Variants in PCDHGA2 observed in about 807,000 individuals in gnomAD.
PCDHGA2 encodes the protein protocadherin gamma subfamily A, 2.
PCDHGA2 carries 40 observed loss-of-function variants against 59.2 expected under a neutral mutation model. The observed-to-expected ratio is 0.68, with a 90% CI of 0.52 to 0.88. The LOEUF (loss-of-function observed/expected upper bound fraction) is 0.88. Ranked by LOEUF, PCDHGA2 falls within the 40% of genes least tolerant of loss-of-function variation. The probability of loss-of-function intolerance (pLI) is 0.00; values close to 1 mark genes in which losing one functional copy is unlikely to be tolerated. For missense variants in PCDHGA2, 1,226 were observed against 1,204.0 expected, an observed-to-expected ratio of 1.02 and a Z score of -0.27; for synonymous variants, 560 against 526.0, an observed-to-expected ratio of 1.06 and a Z score of -0.89.
intron 1 of PCDHGA2, chr5:141,372,877 A>G: frequency 1.6e-6 from 2 of 1,270,298 alleles, no homozygotes; most frequent in Non-Finnish European, 2.1e-6. Flanking sequence ...TAGAGATAAA[A>G]AGAATACAGA....
chr5:141,339,814 A>G lies in PCDHGA2; in HGVS notation c.843A>G (p.Leu281=). The change falls in exon 1 of 4, where the codon CTA becomes CTG. Residue 281 remains leucine, a synonymous_variant. Coordinates refer to ENST00000394576, the MANE Select transcript of PCDHGA2 (RefSeq NM_018915.4). ...ACTACGCTCAAGTGGTATATTTTCT[A>G]GAGAAAAGCCCTGGAGAAACCTCAG... ...EGYYAQVVYF[L]EKSPGETSEV... is the part of the protein sequence containing the mutation. The G allele has an allele frequency of 1.9e-6, 3 of 1,614,218 alleles. No homozygotes were observed. Among genetic ancestry groups the G allele is most frequent in the Middle Eastern group, 1.6e-4 (1 of 6,062 alleles).
chr5:141,410,847 G>GTAT, intron 1 of PCDHGA2: 2 of 158,246 alleles, frequency 1.3e-5, no homozygotes, highest in Non-Finnish European at 1.0e-5. Context: ...TTTTGTCTTT[G>GTAT]TCTTTTTTTT....
intron 2 of PCDHGA2, among the ~76,000 whole-genome samples, chr5:141,502,107 C>T (rs1292131951): frequency 6.6e-6 from 1 of 152,192 alleles, no homozygotes; most frequent in East Asian, 1.9e-4. Context: ...TGACCCTGCA[C>T]CCTCAGCCAG....
intron 1 of PCDHGA2, chr5:141,409,547 G>A (rs760802690): frequency 1.2e-6 from 2 of 1,613,936 alleles, no homozygotes; most frequent in Non-Finnish European, 1.7e-6. Flanking sequence ...CAACGACAAC[G>A]CCCCAGTTTT....
chr5:141,511,147 A>T lies in PCDHGA2; in HGVS notation c.2773A>T (p.Lys925Ter). The change falls in exon 4 of 4, where the codon AAG becomes TAG. Residue 925 changes from lysine to a stop codon, truncating the protein, a stop_gained. Coordinates refer to ENST00000394576, the MANE Select transcript of PCDHGA2 (RefSeq NM_018915.4). LOFTEE classifies it high-confidence loss of function. Reference sequence around the variant, plus strand: ...AGCAGGTGGCAATGGCAACAAGAAGAAGTCGGGCAAGAAGGAGAAGAAGTA... The same window carrying T: ...AGCAGGTGGCAATGGCAACAAGAAGTAGTCGGGCAAGAAGGAGAAGAAGTA... The part of the protein sequence containing the change: ...APAGGNGNKK[K>*]SGKKEKK 1 of 1,614,188 alleles carries T rather than the reference A, an allele frequency of 6.2e-7. No homozygotes were observed. Among genetic ancestry groups the T allele is most frequent in the East Asian group, 2.2e-5 (1 of 44,876 alleles).
rs199877605 is a variant in PCDHGA2 at position 141,421,311 on chromosome 5, G to A, written c.2425-73496G>A. The A allele has an allele frequency of 9.5e-5, 154 of 1,613,788 alleles. No individual in the cohort carries two copies. The African/African-American group carries it at 1.9e-3, about 20-fold the overall frequency. On this transcript the variant is annotated intron_variant, in intron 1 of 3. Coordinates refer to ENST00000394576, the MANE Select transcript of PCDHGA2 (RefSeq NM_018915.4). ...TCCTGGGGACGCTGCGGGGGTTCCG[G>A]GCCAGGCAGATCCGATATTCGGTGC... is the stretch of plus-strand genomic sequence containing the variant.
In PCDHGA2 at chr5:141,493,755, A is replaced by C. The variant is rs1364524112; in HGVS notation, c.2425-1052A>C. Among the ~76,000 whole-genome samples, 1 of 152,148 alleles carries C rather than the reference A, an allele frequency of 6.6e-6. No homozygotes were observed. The highest frequency in any genetic ancestry group is 2.4e-5 in the African/African-American group (1 of 41,440). On this transcript the variant is annotated intron_variant, in intron 1 of 3. Coordinates refer to ENST00000394576, the MANE Select transcript of PCDHGA2 (RefSeq NM_018915.4). The surrounding 1 kb of genome is among the most constrained non-coding windows in gnomAD (Gnocchi z 4.3). ...ATATCACTGCCACCTGTGAGCCTTG[A>C]GTGAGCCACTGGCAGTTCCGGAGCT...
intron 1 of PCDHGA2, chr5:141,374,783 G>A: frequency 6.2e-7 from 1 of 1,613,908 alleles, no homozygotes; most frequent in Non-Finnish European, 8.5e-7. Flanking sequence ...AACAGTTCTA[G>A]ATGTGAATGA....
intron 1 of PCDHGA2, among the ~76,000 whole-genome samples, chr5:141,397,628 A>T (rs2093548217): frequency 6.6e-6 from 1 of 152,242 alleles, no homozygotes; most frequent in Non-Finnish European, 1.5e-5. Flanking sequence ...AGTTCTAGCT[A>T]AGAGTTCAAG....
chr5:141,340,497 C>G lies in PCDHGA2; in HGVS notation c.1526C>G (p.Ser509Cys), dbSNP rs758184570. Residue 509 changes from serine to cysteine, a missense_variant, in exon 1 of 4, where the codon TCC becomes TGC. By Grantham distance (112) the Ser-to-Cys change is moderately radical. Transcript: ENST00000394576. ...APLSSYISIN[S>C]DTGVLYALRS... is the part of the protein sequence containing the mutation. ...TTATCCTCTTACATCTCTATCAACTCCGACACTGGAGTACTCTATGCACTG... is the reference window on the plus strand; with the variant it reads ...TTATCCTCTTACATCTCTATCAACTGCGACACTGGAGTACTCTATGCACTG... 1.2e-6 allele frequency: 2 copies of G among 1,614,236 alleles called. No individual in the cohort carries two copies. The highest frequency in any genetic ancestry group is 3.3e-5 in the Admixed American group (2 of 60,030).
chr5:141,338,937 G>C lies in PCDHGA2; in HGVS notation c.-35G>C. ...AGATTGGAATCCGCACTGGATGCTGGAAGTTGACTCGGAGAAAATTGCGAC... is the reference window on the plus strand; with the variant it reads ...AGATTGGAATCCGCACTGGATGCTGCAAGTTGACTCGGAGAAAATTGCGAC... On this transcript the variant is annotated 5_prime_UTR_variant, in exon 1 of 4. Coordinates refer to ENST00000394576, the MANE Select transcript of PCDHGA2 (RefSeq NM_018915.4). 6.6e-7 allele frequency: 1 copy of C among 1,522,518 alleles called. No individual in the cohort carries two copies. Among genetic ancestry groups the C allele is most frequent in the Non-Finnish European group, 8.8e-7 (1 of 1,135,386 alleles). 94.3% of individuals were successfully genotyped at this position (1,522,518 alleles called of 1,614,324 possible). A position where few individuals can be genotyped will look rare whatever the true frequency, so the allele number is the denominator to read the frequency against.
At chr5:141,363,856 A>G (rs1763082637) in intron 1 of PCDHGA2, among the ~76,000 whole-genome samples, 2 of 152,230 alleles carry the variant, frequency 1.3e-5, no homozygotes, top group Admixed American at 6.5e-5. Context: ...TGGACTAAAT[A>G]TAGATAAGAG....
chr5:141,483,588 A>G (rs2099583207), intron 1 of PCDHGA2, among the ~76,000 whole-genome samples: 1 of 152,112 alleles, frequency 6.6e-6, no homozygotes, highest in African/African-American at 2.4e-5. Flanking sequence ...AACACCTAAT[A>G]GGTCAGGCTG....
chr5:141,430,910 G>C, intron 1 of PCDHGA2: 2 of 1,608,040 alleles, frequency 1.2e-6, no homozygotes, highest in South Asian at 1.1e-5. Context: ...CATCTCCAGG[G>C]ACCTGGGGCT....
intron 1 of PCDHGA2, chr5:141,399,077 G>A (rs1589355843): frequency 6.2e-7 from 1 of 1,613,830 alleles, no homozygotes; most frequent in Non-Finnish European, 8.5e-7. Context: ...GTTGTAGAAG[G>A]GAGGGATGGT....
rs1171592030 is a variant in PCDHGA2, at chr5:141,339,936, A to C, written c.965A>C (p.Gln322Pro). ...TTCCATGAAATTGATATTGAAGCTC[A>C]GGATGGTCCGGGCCTTCTAACCAGA... ...ATFHEIDIEA[Q>P]DGPGLLTRAK... is the part of the protein sequence containing the mutation. The change falls in exon 1 of 4, where the codon CAG becomes CCG. Residue 322 changes from glutamine (Q) to proline (P), a missense_variant. Gln to Pro is a moderately conservative substitution (Grantham distance 76). Transcript: ENST00000394576. 6.2e-7 allele frequency: 1 copy of C among 1,614,190 alleles called. No individual in the cohort carries two copies. Among genetic ancestry groups the C allele is most frequent in the Admixed American group, 1.7e-5 (1 of 60,034 alleles).
Position 141,490,876 on chromosome 5 carries a change from G to T in PCDHGA2, c.2425-3931G>T. On this transcript the variant is annotated intron_variant, in intron 1 of 3. Coordinates refer to ENST00000394576, the MANE Select transcript of PCDHGA2 (RefSeq NM_018915.4). The surrounding 1 kb of genome is among the most constrained non-coding windows in gnomAD (Gnocchi z 5.4). Reference sequence around the variant, plus strand: ...AGACTCCGGCTCTCCCCCATTGCATGCCAACACATCTCTGCATGTGTTTGT... The same window carrying T: ...AGACTCCGGCTCTCCCCCATTGCATTCCAACACATCTCTGCATGTGTTTGT... 6.2e-7 allele frequency: 1 copy of T among 1,613,840 alleles called. No homozygotes were observed. The highest frequency in any genetic ancestry group is 8.5e-7 in the Non-Finnish European group (1 of 1,179,894).
At chr5:141,403,891 A>T (rs779525294) in intron 1 of PCDHGA2, 17 of 1,613,752 alleles carry the variant, frequency 1.1e-5, no homozygotes, top group Admixed American at 1.0e-4. Flanking sequence ...AAGAATGTTC[A>T]TTTTATGAAA....
intron 1 of PCDHGA2, among the ~76,000 whole-genome samples, chr5:141,446,120 T>C (rs2098489182): frequency 6.6e-6 from 1 of 152,196 alleles, no homozygotes; most frequent in Admixed American, 6.5e-5. Flanking sequence ...AGGAAATGGG[T>C]TCAATAAGAC....
Sources: gnomAD v4.1 joint callset for allele counts (sites outside exome capture counted in the v4.1 genomes callset) on GRCh38, gnomAD v4.1.1 for gene constraint, Gnocchi (gnomAD v3.1) non-coding constraint, MANE v1.5 for transcripts, NCBI Gene and HGNC (gene_info 2026-07-23, HGNC 2026-07-21) for gene names.